UST: variants seen among roughly 807,000 people sequenced by gnomAD.
The protein encoded by UST is uronyl 2-sulfotransferase, also known as chondroitin sulfate 2-O-sulfotransferase.
UST carries 21 observed loss-of-function variants against 45.6 expected under a neutral mutation model. The ratio of observed to expected loss-of-function variants is 0.46; its 90% CI spans 0.33 to 0.66. The LOEUF is 0.66. Among genes scored for constraint, UST ranks in the 30% least tolerant of loss-of-function variants. The pLI is 0.02. For synonymous variants in UST, 215 were observed against 200.6 expected, an observed-to-expected ratio of 1.07 and a Z score of -0.61; for missense variants, 463 against 512.4, an observed-to-expected ratio of 0.90 and a Z score of 0.93.
At chr6:148,781,578 AT>A (rs1308804696) in intron 1 of UST, among the ~76,000 whole-genome samples, 1 of 150,682 alleles carries the variant, frequency 6.6e-6, no homozygotes, top group Non-Finnish European at 1.5e-5. Context: ...TCTAGCTAGG[AT>A]CATTGTTGAA....
At chr6:148,820,769 C>T (rs1360826420) in intron 1 of UST, among the ~76,000 whole-genome samples, 6 of 149,224 alleles carry the variant, frequency 4.0e-5, no homozygotes, top group Non-Finnish European at 7.4e-5. Context: ...AGGAGAATGG[C>T]GTGAACCTGG....
At chr6:148,919,802 C>A (rs1167027428) in intron 2 of UST, among the ~76,000 whole-genome samples, 2 of 152,160 alleles carry the variant, frequency 1.3e-5, no homozygotes, top group East Asian at 1.9e-4. Flanking sequence ...GCCTTTTAGA[C>A]TTTCCAGGGT....
At chr6:148,991,233 C>CA (rs1363898359) in intron 5 of UST, among the ~76,000 whole-genome samples, 43 of 152,112 alleles carry the variant, frequency 2.8e-4, no homozygotes, top group African/African-American at 9.4e-4. Flanking sequence ...ATGATAGTGG[C>CA]AAAAAATACA....
chr6:148,961,857 A>G (rs1413560782), intron 4 of UST, among the ~76,000 whole-genome samples: 1 of 152,228 alleles, frequency 6.6e-6, no homozygotes, highest in Non-Finnish European at 1.5e-5. Flanking sequence ...TACTTAGAGG[A>G]GAAACTGATG....
chr6:148,765,460 T>A (rs1776304408), intron 1 of UST, among the ~76,000 whole-genome samples: 1 of 152,214 alleles, frequency 6.6e-6, no homozygotes, highest in Admixed American at 6.5e-5. Flanking sequence ...TCTTTTTGGT[T>A]CCATATAAAT....
chr6:148,813,329 A>C (rs974961520), intron 1 of UST, among the ~76,000 whole-genome samples: 3 of 152,176 alleles, frequency 2.0e-5, no homozygotes, highest in African/African-American at 7.2e-5. Context: ...AAATTAGGCC[A>C]TACTGCCCCC....
chr6:148,982,766 A>G (rs1038273803), intron 5 of UST, among the ~76,000 whole-genome samples: 1 of 152,232 alleles, frequency 6.6e-6, no homozygotes, highest in East Asian at 1.9e-4. Flanking sequence ...TTGCTTTTAG[A>G]TACTAATCAT....
intron 7 of UST, among the ~76,000 whole-genome samples, chr6:149,072,334 A>T (rs1776831482): frequency 1.3e-5 from 2 of 152,170 alleles, no homozygotes; most frequent in Admixed American, 1.3e-4. Flanking sequence ...TATCTATACA[A>T]TGGAATGTTA....
At chr6:148,851,394 A>T (rs1778102132) in intron 1 of UST, among the ~76,000 whole-genome samples, 1 of 152,226 alleles carries the variant, frequency 6.6e-6, no homozygotes, top group South Asian at 2.1e-4. Context: ...AAAAAAATGC[A>T]AATCTTGAAC....
At position 148,863,887 on chromosome 6, in the gene UST, G is replaced by A. The variant is rs191783840; in HGVS notation, c.248-23099G>A. Among the ~76,000 whole-genome samples the A allele has an allele frequency of 4.6e-5, 7 of 152,242 alleles. No homozygotes were observed. In the East Asian group the frequency reaches 7.7e-4, roughly 17 times the overall value. On this transcript the variant is annotated intron_variant, in intron 1 of 7. Transcript: ENST00000367463. ...GAAGCTTTGTCTCAGAGGGGTACCCGGCCGTATGAGGTGTCAGTTGGCCTC... is the reference window on the plus strand; with the variant it reads ...GAAGCTTTGTCTCAGAGGGGTACCCAGCCGTATGAGGTGTCAGTTGGCCTC...
At chr6:148,747,760 G>C in intron 1 of UST, 83 bp downstream of exon 1, 1 of 1,441,816 alleles carries the variant, frequency 6.9e-7, no homozygotes, top group South Asian at 1.5e-5. Context: ...GGGACTTCTC[G>C]CGCTGCCACC....
At chr6:148,861,176 C>T (rs1278852452) in intron 1 of UST, among the ~76,000 whole-genome samples, 2 of 152,100 alleles carry the variant, frequency 1.3e-5, no homozygotes, top group Non-Finnish European at 2.9e-5. Context: ...ATTTCTGAAT[C>T]TGTTATTGGT....
chr6:148,946,364 A>G (rs781182185), intron 3 of UST, among the ~76,000 whole-genome samples: 11 of 151,680 alleles, frequency 7.3e-5, no homozygotes, highest in Non-Finnish European at 1.6e-4. Context: ...CACAAAAATT[A>G]GATGGGCGTG....
chr6:148,918,667 C>G (rs1313696043), intron 2 of UST, among the ~76,000 whole-genome samples: 11 of 152,182 alleles, frequency 7.2e-5, no homozygotes, highest in Non-Finnish European at 5.9e-5. Context: ...TATGATTAGG[C>G]TCCGCCAGAT....
intron 1 of UST, among the ~76,000 whole-genome samples, chr6:148,796,501 G>A (rs1208018904): frequency 6.6e-6 from 1 of 151,650 alleles, no homozygotes; most frequent in Non-Finnish European, 1.5e-5. Flanking sequence ...GCACGGGCCT[G>A]TAATCCCAGC....
At chr6:148,921,669 G>A (rs1202945404) in intron 2 of UST, among the ~76,000 whole-genome samples, 4 of 152,184 alleles carry the variant, frequency 2.6e-5, no homozygotes, top group Admixed American at 2.6e-4. Context: ...CACTCCAGGT[G>A]AACAGCTATA....
At chr6:148,993,956 C>CTTTTTTTTTTTTTTTTTTTTTTTT (rs57552256) in intron 5 of UST, among the ~76,000 whole-genome samples, 2 of 95,366 alleles carry the variant, frequency 2.1e-5, no homozygotes, top group African/African-American at 4.6e-5. Context: ...TATTTCTTTC[C>CTTTTTTTTTTTTTTTTTTTTTTTT]TTTTTTTTTT....
chr6:148,797,110 A>G (rs978728173), intron 1 of UST, among the ~76,000 whole-genome samples: 3 of 152,066 alleles, frequency 2.0e-5, no homozygotes, highest in African/African-American at 7.2e-5. Flanking sequence ...ATAATTCTTA[A>G]TAGTTTAGAA....
At chr6:148,973,896 A>G (rs1780968559) in intron 5 of UST, among the ~76,000 whole-genome samples, 1 of 152,254 alleles carries the variant, frequency 6.6e-6, no homozygotes, top group South Asian at 2.1e-4. Context: ...GTCAATATTA[A>G]CATGAAATAG....
Sources: gnomAD v4.1 joint callset for allele counts (sites outside exome capture counted in the v4.1 genomes callset) on GRCh38, gnomAD v4.1.1 for gene constraint, MANE v1.5 for transcripts, NCBI Gene and HGNC (gene_info 2026-07-23, HGNC 2026-07-21) for gene names.